The following SAMSN1 variants were observed in gnomAD, a reference collection of about 807,000 sequenced individuals.
The protein encoded by SAMSN1 is SAM domain-containing protein SAMSN-1.
Under a neutral mutation model 42.0 loss-of-function variants are expected in SAMSN1, and 31 were observed. The ratio of observed to expected loss-of-function variants is 0.74; its 90% CI spans 0.55 to 1.00. The LOEUF (loss-of-function observed/expected upper bound fraction) is 1.00. Ranked by LOEUF, SAMSN1 falls within the 50% of genes least tolerant of loss-of-function variation. The pLI, the probability that SAMSN1 is intolerant of heterozygous loss-of-function variation, is 0.00. For synonymous variants in SAMSN1, 178 were observed against 151.9 expected (o/e 1.17, Z -1.26); for missense variants, 464 against 439.4 (o/e 1.06, Z -0.50).
At chr21:14,556,411 A>T (rs1339472876) in intron 2 of SAMSN1, among the ~76,000 whole-genome samples, 2 of 152,210 alleles carry the variant, frequency 1.3e-5, no homozygotes, top group African/African-American at 2.4e-5. Flanking sequence ...TAATGAAAAA[A>T]TGTGTATCAC....
intron 5 of SAMSN1, among the ~76,000 whole-genome samples, chr21:14,603,894 G>T (rs1982501433): frequency 6.6e-6 from 1 of 152,122 alleles, no homozygotes; most frequent in Admixed American, 6.5e-5. Context: ...TTGGGTCCTG[G>T]ATTGGAAATT....
At chr21:14,542,124 GACA>G (rs887190498) in intron 1 of SAMSN1, among the ~76,000 whole-genome samples, 1 of 152,142 alleles carries the variant, frequency 6.6e-6, no homozygotes, top group African/African-American at 2.4e-5. Flanking sequence ...CATAGTCAGA[GACA>G]GGAATGACGA....
At chr21:14,612,661 C>G (rs2822809) in intron 4 of SAMSN1, 1 of 614,860 alleles carries the variant, frequency 1.6e-6, no homozygotes, top group African/African-American at 1.8e-5. Context: ...TAAATATAAA[C>G]GGAAAATATT....
chr21:14,582,386 C>T, exon 2 of SAMSN1: 1 of 1,550,324 alleles, frequency 6.5e-7, no homozygotes, highest in African/African-American at 1.4e-5. Context: ...AGTATCCAAT[C>T]TAATCTCCAT....
At chr21:14,643,846 G>T (rs537144525) in intron 1 of SAMSN1, among the ~76,000 whole-genome samples, 1 of 152,316 alleles carries the variant, frequency 6.6e-6, no homozygotes, top group South Asian at 2.1e-4. Flanking sequence ...GGTGTGGAGA[G>T]CATCTCTGGG....
intron 1 of SAMSN1, among the ~76,000 whole-genome samples, chr21:14,532,556 G>A (rs1979336379): frequency 6.6e-6 from 1 of 152,010 alleles, no homozygotes. Flanking sequence ...CTCCTGAGGG[G>A]GTTAATAGCA....
intron 2 of SAMSN1, among the ~76,000 whole-genome samples, chr21:14,581,300 G>T (rs1457045269): frequency 8.9e-6 from 1 of 112,292 alleles, no homozygotes; most frequent in Non-Finnish European, 1.8e-5. Context: ...CCAACTTTTT[G>T]TGCCTCCATT....
intron 1 of SAMSN1, among the ~76,000 whole-genome samples, chr21:14,525,379 G>GA (rs938379095): frequency 1.3e-5 from 2 of 152,038 alleles, no homozygotes; most frequent in African/African-American, 2.4e-5. Flanking sequence ...CAGTCAGTCG[G>GA]AAAAAATACA....
intron 2 of SAMSN1, 49 bp downstream of exon 2, chr21:14,521,101 T>A (rs771859642): frequency 1.7e-6 from 2 of 1,168,044 alleles, no homozygotes; most frequent in African/African-American, 3.1e-5. Flanking sequence ...TTCATAATAT[T>A]TCATAATGTG....
chr21:14,509,357 A>G (rs1216480405), intron 5 of SAMSN1, among the ~76,000 whole-genome samples: 1 of 152,204 alleles, frequency 6.6e-6, no homozygotes, highest in Non-Finnish European at 1.5e-5. Flanking sequence ...AGCTATGAAG[A>G]TGCAAAGGCA....
intron 1 of SAMSN1, among the ~76,000 whole-genome samples, chr21:14,544,964 A>G (rs1049518894): frequency 6.6e-6 from 1 of 152,148 alleles, no homozygotes; most frequent in African/African-American, 2.4e-5. Context: ...TTAATCTTAA[A>G]TGGAAGCACA....
chr21:14,546,174 TTTTA>T, intron 1 of SAMSN1, 27 bp downstream of exon 1: 1 of 1,575,714 alleles, frequency 6.3e-7, no homozygotes, highest in South Asian at 1.1e-5. Context: ...AATAGTTTGA[TTTTA>T]TTTAACTATG....
intron 1 of SAMSN1, among the ~76,000 whole-genome samples, chr21:14,540,968 C>A (rs576140620): frequency 5.9e-5 from 9 of 152,256 alleles, no homozygotes; most frequent in African/African-American, 2.2e-4. Context: ...ATGATGAGTT[C>A]ATGTCCTTTG....
intron 2 of SAMSN1, among the ~76,000 whole-genome samples, chr21:14,575,894 A>T (rs546227902): frequency 1.3e-5 from 2 of 152,146 alleles, no homozygotes; most frequent in Admixed American, 1.3e-4. Flanking sequence ...GCATATGTCT[A>T]TTTTTCAAAG....
intron 1 of SAMSN1, among the ~76,000 whole-genome samples, chr21:14,537,053 C>T (rs1303106170): frequency 6.6e-6 from 1 of 152,216 alleles, no homozygotes; most frequent in Non-Finnish European, 1.5e-5. Flanking sequence ...AATAAACCCA[C>T]TAAACTGTAG....
chr21:14,616,127 T>C (rs1224082301), intron 2 of SAMSN1: 1 of 362,586 alleles, frequency 2.8e-6, no homozygotes, highest in Non-Finnish European at 5.2e-6. Context: ...AATCCAAACG[T>C]AGTTCCTTTT....
intron 5 of SAMSN1, among the ~76,000 whole-genome samples, chr21:14,505,405 A>G (rs533108555): frequency 6.6e-6 from 1 of 152,354 alleles, no homozygotes; most frequent in East Asian, 1.9e-4. Context: ...GTGGAAAAAG[A>G]TATTTCATTC....
At chr21:14,601,278 A>G (rs1198822609) in intron 6 of SAMSN1, among the ~76,000 whole-genome samples, 1 of 152,204 alleles carries the variant, frequency 6.6e-6, no homozygotes, top group African/African-American at 2.4e-5. Flanking sequence ...GTGGATCAAA[A>G]TCATGATCTA....
At chr21:14,630,494 ACCTT>A (rs1983301388) in intron 2 of SAMSN1, among the ~76,000 whole-genome samples, 1 of 152,100 alleles carries the variant, frequency 6.6e-6, no homozygotes, top group Non-Finnish European at 1.5e-5. Context: ...AGCACAATTA[ACCTT>A]CATCTATTGA....
Sources: allele counts gnomAD v4.1 joint callset (sites outside exome capture counted in the v4.1 genomes callset), GRCh38; gene constraint gnomAD v4.1.1; transcripts MANE v1.5; gene names NCBI Gene and HGNC (gene_info 2026-07-23, HGNC 2026-07-21).